IPO7: variants seen among roughly 807,000 people sequenced by gnomAD.
IPO7 encodes the protein importin-7.
IPO7 carries 13 observed loss-of-function variants against 136.4 expected under a neutral mutation model. The observed-to-expected ratio is 0.10, with a 90% CI of 0.06 to 0.15. The LOEUF (loss-of-function observed/expected upper bound fraction) is 0.15. Ranked by LOEUF, IPO7 falls within the 10% of genes least tolerant of loss-of-function variation. The pLI, the probability that IPO7 is intolerant of heterozygous loss-of-function variation, is 1.00. For synonymous variants in IPO7, 403 were observed against 404.4 expected, an observed-to-expected ratio of 1.00 and a Z score of 0.04; for missense variants, 857 against 1,240.6, an observed-to-expected ratio of 0.69 and a Z score of 4.65.
chr11:9,392,202 A>C, intron 1 of IPO7: 2 of 159,102 alleles, frequency 1.3e-5, no homozygotes, highest in South Asian at 9.4e-5. Context: ...TTTGAGACGG[A>C]GTTTCGCTCT....
At chr11:9,414,006 AGT>A (rs1341156780) in intron 4 of IPO7, among the ~76,000 whole-genome samples, 6 of 152,004 alleles carry the variant, frequency 3.9e-5, no homozygotes, top group African/African-American at 7.3e-5. Flanking sequence ...CAACTACAAA[AGT>A]GAGGATACTC....
chr11:9,414,619 C>CTTCTTT, intron 5 of IPO7: 1 of 69,840 alleles, frequency 1.4e-5, no homozygotes, highest in Non-Finnish European at 2.7e-5. Context: ...CCTAATGAAT[C>CTTCTTT]TTTTTTTTTT....
At chr11:9,441,478 A>G (rs945294911) in intron 23 of IPO7, among the ~76,000 whole-genome samples, 3 of 152,218 alleles carry the variant, frequency 2.0e-5, no homozygotes, top group Admixed American at 1.3e-4. Flanking sequence ...ACTGATGAAT[A>G]TATTTTTTGA....
At chr11:9,408,440 T>C in intron 2 of IPO7, 46 bp from the exon 3 acceptor site, 2 of 1,296,698 alleles carry the variant, frequency 1.5e-6, no homozygotes, top group Non-Finnish European at 2.1e-6. Flanking sequence ...ATTTTCACAG[T>C]ACTTTCACAG....
intron 1 of IPO7, among the ~76,000 whole-genome samples, chr11:9,396,640 T>C (rs754153677): frequency 6.6e-6 from 1 of 152,238 alleles, no homozygotes; most frequent in Non-Finnish European, 1.5e-5. Flanking sequence ...TAGATTTGTG[T>C]ATTCCAGACA....
At chr11:9,402,412 A>T in intron 1 of IPO7, among the ~76,000 whole-genome samples, 1 of 148,924 alleles carries the variant, frequency 6.7e-6, no homozygotes, top group African/African-American at 2.5e-5. Flanking sequence ...AAAAAAAAAA[A>T]AAAAAAAAAA....
At chr11:9,408,438 A>G in intron 2 of IPO7, 48 bp from the exon 3 acceptor site, 1 of 1,269,776 alleles carries the variant, frequency 7.9e-7, no homozygotes, top group African/African-American at 1.5e-5. Context: ...GGATTTTCAC[A>G]GTACTTTCAC....
rs373568856 is a variant in IPO7 at position 9,440,712 on chromosome 11, A to G, written c.2902+51A>G. On this transcript the variant is annotated intron_variant, in intron 23 of 24. Coordinates refer to ENST00000379719, the MANE Select transcript of IPO7 (RefSeq NM_006391.3). ...CCATTTCATTGAACAAATCTGTTGT[A>G]GTTTCTGCCTGCCCTTTAAAGGAAG... 7 of 1,352,624 alleles carry G rather than the reference A, an allele frequency of 5.2e-6. No homozygotes were observed. In the African/African-American group the frequency reaches 1.0e-4, roughly 19 times the overall value. 83.8% of individuals were successfully genotyped at this position (1,352,624 alleles called of 1,614,324 possible).
At chr11:9,413,616 C>T (rs1221195330) in intron 4 of IPO7, among the ~76,000 whole-genome samples, 2 of 151,984 alleles carry the variant, frequency 1.3e-5, no homozygotes, top group African/African-American at 4.8e-5. Context: ...TAGTTAATTT[C>T]TGTGCCTCAG....
rs1273404507 is a variant in IPO7, at chr11:9,384,837, A to G, written c.74A>G (p.Gln25Arg). The G allele has an allele frequency of 1.9e-6, 3 of 1,599,332 alleles. No individual in the cohort carries two copies. The highest frequency in any genetic ancestry group is 2.6e-6 in the Non-Finnish European group (3 of 1,173,016). The stretch of plus-strand genomic sequence containing the variant: ...GCCCTGCGTGAGGCCGCGGAGCGCC[A>G]GCTCAATGAAGTAAGGACGCCCGGC... The part of the protein sequence containing the change: ...DPALREAAER[Q>R]LNEAHKSLNF... The change falls in exon 1 of 25, where the codon CAG becomes CGG. Residue 25 changes from glutamine to arginine, a missense_variant. By Grantham distance (43) the Gln-to-Arg change is conservative. Transcript: ENST00000379719.
chr11:9,431,885 GAATC>G (rs1272596094), intron 16 of IPO7, among the ~76,000 whole-genome samples: 1 of 152,126 alleles, frequency 6.6e-6, no homozygotes, highest in East Asian at 1.9e-4. Context: ...TGAGGCAGGA[GAATC>G]ACTTGAACCC....
At chr11:9,407,650 A>G (rs1167930287) in intron 2 of IPO7, among the ~76,000 whole-genome samples, 1 of 152,244 alleles carries the variant, frequency 6.6e-6, no homozygotes, top group African/African-American at 2.4e-5. Flanking sequence ...AAAGCAAACT[A>G]GAATATAAAA....
intron 1 of IPO7, among the ~76,000 whole-genome samples, chr11:9,400,456 C>T (rs1227281936): frequency 6.6e-6 from 1 of 151,930 alleles, no homozygotes; most frequent in African/African-American, 2.4e-5. Context: ...CCTAATCTCG[C>T]TGTCGCCCAG....
chr11:9,397,341 A>AAAAAAAAAAATATATATATATAT, intron 1 of IPO7, among the ~76,000 whole-genome samples: 7 of 10,758 alleles, frequency 6.5e-4, no homozygotes, highest in Non-Finnish European at 9.2e-4. Flanking sequence ...TTTAAAAAAA[A>AAAAAAAAAAATATATATATATAT]ATATATATAT....
intron 2 of IPO7, among the ~76,000 whole-genome samples, chr11:9,405,388 A>G (rs958200534): frequency 6.6e-6 from 1 of 151,904 alleles, no homozygotes. Context: ...GTTAGCCAGG[A>G]TGGTCTCCAT....
intron 1 of IPO7, among the ~76,000 whole-genome samples, chr11:9,398,633 A>T (rs1193110464): frequency 1.3e-5 from 2 of 152,216 alleles, no homozygotes; most frequent in African/African-American, 4.8e-5. Context: ...ATACATATCT[A>T]TGGGATACAG....
At position 9,438,213 on chromosome 11, in the gene IPO7, G is replaced by A; in HGVS notation, c.2623G>A (p.Ala875Thr). Reference sequence around the variant, plus strand: ...CCTTTTATTTAACGGATTGAAAAGAGCATATGCCTGCCATGCAGAACATGA... The same window carrying A: ...CCTTTTATTTAACGGATTGAAAAGAACATATGCCTGCCATGCAGAACATGA... Reference protein sequence around the residue: ...FILLFNGLKRAYACHAEHEND... With the variant: ...FILLFNGLKRTYACHAEHEND... The change falls in exon 22 of 25, where the codon GCA becomes ACA. Residue 875 changes from alanine (A) to threonine (T), a missense_variant. This residue lies in a region of IPO7 where 119 missense variants were observed against 155.5 expected (regional missense o/e 0.77). Transcript: ENST00000379719. 1 of 1,613,278 alleles carries A rather than the reference G, an allele frequency of 6.2e-7. No homozygotes were observed. The highest frequency in any genetic ancestry group is 8.5e-7 in the Non-Finnish European group (1 of 1,179,738).
intron 7 of IPO7, 23 bp from the exon 8 acceptor site, chr11:9,420,591 T>C: frequency 6.3e-7 from 1 of 1,586,026 alleles, no homozygotes; most frequent in Non-Finnish European, 8.7e-7. Context: ...AAAGAAACAA[T>C]GGGCATTTTG....
rs773488732 is a variant in IPO7 at position 9,440,531 on chromosome 11, T to A, written c.2772T>A (p.Gly924=). The change falls in exon 23 of 25, where the codon GGT becomes GGA. Residue 924 remains glycine, a synonymous_variant. Coordinates refer to ENST00000379719, the MANE Select transcript of IPO7 (RefSeq NM_006391.3). ...TGGAGATTCTGGCTAAGCAGGCTGG[T>A]GAAGATGGAGATGATGAAGATTGGG... ...EYLEILAKQA[G]EDGDDEDWEE... The A allele has an allele frequency of 9.3e-6, 15 of 1,613,762 alleles. No individual in the cohort carries two copies. The highest frequency in any genetic ancestry group is 1.3e-5 in the African/African-American group (1 of 74,940).
Sources: allele counts gnomAD v4.1 joint callset (sites outside exome capture counted in the v4.1 genomes callset), GRCh38; gene constraint gnomAD v4.1.1; regional missense constraint gnomAD v4.1.1; transcripts MANE v1.5; gene names NCBI Gene and HGNC (gene_info 2026-07-23, HGNC 2026-07-21).